The following PCDH15 variants were observed in gnomAD, a reference collection of about 807,000 sequenced individuals.
PCDH15 encodes the protein protocadherin-15.
PCDH15 carries 129 observed loss-of-function variants against 178.5 expected under a neutral mutation model. That is an observed-to-expected ratio of 0.72 (90% CI 0.63 to 0.84). PCDH15 has a LOEUF of 0.84. PCDH15 is among the 40% of genes least tolerant of loss of function. The probability of loss-of-function intolerance (pLI) is 0.00; values close to 1 mark genes in which losing one functional copy is unlikely to be tolerated. For missense variants in PCDH15, 2,230 were observed against 2,099.9 expected (o/e 1.06, Z -1.21); for synonymous variants, 800 against 732.0 (o/e 1.09, Z -1.50).
intron 25 of PCDH15, among the ~76,000 whole-genome samples, chr10:53,907,580 T>C (rs2082765667): frequency 6.6e-6 from 1 of 152,194 alleles, no homozygotes; most frequent in Non-Finnish European, 1.5e-5. Context: ...CTGCCTTATT[T>C]TTCTTCCATT....
chr10:55,244,284 C>T (rs1185380549), intron 1 of PCDH15, among the ~76,000 whole-genome samples: 1 of 151,810 alleles, frequency 6.6e-6, no homozygotes, highest in Non-Finnish European at 1.5e-5. Flanking sequence ...TTCTTTAATA[C>T]TTTTTTTAGT....
chr10:54,776,272 C>A (rs1949692419), intron 1 of PCDH15, among the ~76,000 whole-genome samples: 1 of 152,008 alleles, frequency 6.6e-6, no homozygotes, highest in South Asian at 2.1e-4. Context: ...GATTAATTTT[C>A]CTTTGGATAA....
chr10:54,746,662 A>G (rs1233657830), intron 1 of PCDH15, among the ~76,000 whole-genome samples: 2 of 152,208 alleles, frequency 1.3e-5, no homozygotes, highest in Admixed American at 1.3e-4. Context: ...AAATATAATT[A>G]TAATCTTAGT....
At chr10:54,940,073 TTTAAG>T (rs1483142743) in intron 2 of PCDH15, among the ~76,000 whole-genome samples, 4 of 152,350 alleles carry the variant, frequency 2.6e-5, no homozygotes, top group African/African-American at 9.6e-5. Flanking sequence ...ATGTGTTGGC[TTTAAG>T]TTTAGTTTTT....
rs186328691 is a variant in PCDH15 at position 54,115,371 on chromosome 10, A to T, written c.1917+17504T>A. 3.9e-4 allele frequency among the ~76,000 whole-genome samples: 60 copies of T among 152,288 alleles called. No homozygotes were observed. The East Asian group carries it at 8.1e-3, about 21-fold the overall frequency. ...GAGCATGGGAAATACTAATTTTGAG[A>T]TGCTCTGATAAAAAACACCATGATA... is the stretch of plus-strand genomic sequence containing the variant. On this transcript the variant is annotated intron_variant, in intron 15 of 37. Transcript: ENST00000644397.
At chr10:54,921,745 C>T (rs1837494436) in intron 2 of PCDH15, among the ~76,000 whole-genome samples, 1 of 152,078 alleles carries the variant, frequency 6.6e-6, no homozygotes, top group Admixed American at 6.6e-5. Flanking sequence ...TATTAGTCCA[C>T]TCTAGAACTG....
intron 1 of PCDH15, among the ~76,000 whole-genome samples, chr10:54,771,099 C>T (rs901440788): frequency 1.3e-5 from 2 of 152,068 alleles, no homozygotes; most frequent in African/African-American, 2.4e-5. Context: ...TTGACACACT[C>T]ATCATGAACC....
intron 2 of PCDH15, among the ~76,000 whole-genome samples, chr10:55,121,228 T>C (rs971876404): frequency 6.6e-6 from 1 of 152,194 alleles, no homozygotes; most frequent in Non-Finnish European, 1.5e-5. Flanking sequence ...TAATGTTGTT[T>C]ACCTTGTTGG....
At chr10:54,314,314 C>A (rs1166154033) in intron 8 of PCDH15, among the ~76,000 whole-genome samples, 1 of 151,914 alleles carries the variant, frequency 6.6e-6, no homozygotes, top group Non-Finnish European at 1.5e-5. Flanking sequence ...TAATACCAGC[C>A]CAATATACTT....
At chr10:55,021,398 A>G (rs1218661231) in intron 2 of PCDH15, among the ~76,000 whole-genome samples, 2 of 152,284 alleles carry the variant, frequency 1.3e-5, no homozygotes, top group East Asian at 3.9e-4. Flanking sequence ...ACTATGTGTA[A>G]GTTTGAAACG....
At chr10:54,457,512 A>G (rs1174974200) in intron 3 of PCDH15, among the ~76,000 whole-genome samples, 1 of 152,104 alleles carries the variant, frequency 6.6e-6, no homozygotes, top group African/African-American at 2.4e-5. Context: ...ATGTTACCAG[A>G]TACTCCTCAG....
intron 4 of PCDH15, among the ~76,000 whole-genome samples, chr10:54,376,352 T>C (rs1199567652): frequency 6.6e-6 from 1 of 151,016 alleles, no homozygotes; most frequent in Non-Finnish European, 1.5e-5. Flanking sequence ...TTAATAATAA[T>C]GTATATTTTA....
chr10:54,903,643 T>C (rs532317166), intron 2 of PCDH15, among the ~76,000 whole-genome samples: 1 of 152,108 alleles, frequency 6.6e-6, no homozygotes, highest in East Asian at 1.9e-4. Context: ...AATCCAGTAT[T>C]AGAAACAATC....
At chr10:55,561,931 G>T (rs189130928) in intron 2 of PCDH15, among the ~76,000 whole-genome samples, 12 of 151,920 alleles carry the variant, frequency 7.9e-5, no homozygotes, top group Admixed American at 5.3e-4. Flanking sequence ...ATTAAATGTC[G>T]TTTTATGATT....
chr10:54,864,994 G>T (rs1341904112), intron 3 of PCDH15, among the ~76,000 whole-genome samples: 1 of 152,138 alleles, frequency 6.6e-6, no homozygotes, highest in Admixed American at 6.6e-5. Context: ...CATCATAGAG[G>T]CTGTGTTTCA....
At chr10:54,902,679 T>G (rs1351880559) in intron 2 of PCDH15, among the ~76,000 whole-genome samples, 1 of 152,204 alleles carries the variant, frequency 6.6e-6, no homozygotes, top group Non-Finnish European at 1.5e-5. Flanking sequence ...AGAAGATATG[T>G]CATTTCTGGG....
intron 2 of PCDH15, among the ~76,000 whole-genome samples, chr10:55,425,455 C>T (rs1393822583): frequency 6.6e-6 from 1 of 151,890 alleles, no homozygotes; most frequent in African/African-American, 2.4e-5. Flanking sequence ...AAATTAATAG[C>T]ACATATAAAT....
intron 1 of PCDH15, among the ~76,000 whole-genome samples, chr10:54,764,013 G>T (rs1410140738): frequency 6.6e-6 from 1 of 151,680 alleles, no homozygotes; most frequent in Non-Finnish European, 1.5e-5. Flanking sequence ...ACTCGAAGAA[G>T]AAAAAGATCT....
intron 8 of PCDH15, among the ~76,000 whole-genome samples, chr10:54,316,536 A>G (rs61853320): frequency 1.3e-3 from 54 of 41,738 alleles, no homozygotes; most frequent in African/African-American, 2.9e-3. Flanking sequence ...GTATACACAC[A>G]CACACACACA....
Sources: allele counts gnomAD v4.1 joint callset (sites outside exome capture counted in the v4.1 genomes callset), GRCh38; gene constraint gnomAD v4.1.1; transcripts MANE v1.5; gene names NCBI Gene and HGNC (gene_info 2026-07-23, HGNC 2026-07-21).